TCOF1: variants seen among roughly 807,000 people sequenced by gnomAD.
The protein encoded by TCOF1 is treacle ribosome biogenesis factor 1, also known as treacle protein.
In TCOF1, 33 loss-of-function variants were observed where a neutral mutation model predicts 149.0. That is an observed-to-expected ratio of 0.22 (90% CI 0.17 to 0.30). TCOF1 has a LOEUF of 0.30. Ranked by LOEUF, TCOF1 falls within the 10% of genes least tolerant of loss-of-function variation. TCOF1 has a pLI of 1.00. For synonymous variants in TCOF1, 789 were observed against 738.8 expected, an observed-to-expected ratio of 1.07 and a Z score of -1.10; for missense variants, 1,728 against 1,840.7, an observed-to-expected ratio of 0.94 and a Z score of 1.12.
Position 150,369,510 on chromosome 5 carries a change from C to T in TCOF1, c.566-19C>T. ...GCTGGAAAGGGAGTCCCTCAGTCCCCTCCGTGTCCGATCCTCAGGGATGGT... is the reference window on the plus strand; with the variant it reads ...GCTGGAAAGGGAGTCCCTCAGTCCCTTCCGTGTCCGATCCTCAGGGATGGT... On this transcript the variant is annotated intron_variant, in intron 5 of 26. Transcript: ENST00000643257. The T allele has an allele frequency of 1.9e-6, 3 of 1,614,008 alleles. No individual in the cohort carries two copies. Among genetic ancestry groups the T allele is most frequent in the South Asian group, 1.1e-5 (1 of 91,080 alleles).
chr5:150,364,092 A>G, intron 2 of TCOF1, 21 bp from the exon 3 acceptor site: 3 of 1,613,994 alleles, frequency 1.9e-6, no homozygotes, highest in African/African-American at 1.3e-5. Context: ...GTTGGTATAG[A>G]CAGTCACCCT....
In TCOF1 at chr5:150,388,069, T is replaced by C. The variant is rs1267685129; in HGVS notation, c.3027T>C (p.Ala1009=). Residue 1009 remains alanine (A), a synonymous_variant, in exon 18 of 27, where the codon GCT becomes GCC. Transcript: ENST00000643257. ...GCGAGGATGAGGACGTGATCCCCGCTACACAGTGCTTGACTCCTGGTGAGC... is the reference window on the plus strand; with the variant it reads ...GCGAGGATGAGGACGTGATCCCCGCCACACAGTGCTTGACTCCTGGTGAGC... ...SESEDEDVIP[A]TQCLTPGIRT... The C allele has an allele frequency of 3.1e-6, 5 of 1,613,140 alleles. No individual in the cohort carries two copies. The highest frequency in any genetic ancestry group is 3.3e-5 in the Admixed American group (2 of 59,972).
intron 1 of TCOF1, among the ~76,000 whole-genome samples, chr5:150,359,034 TC>T (rs1759363439): frequency 6.6e-6 from 1 of 151,498 alleles, no homozygotes; most frequent in Non-Finnish European, 1.5e-5. Flanking sequence ...AGACACTGTC[TC>T]AAAAAAAAAT....
intron 1 of TCOF1, among the ~76,000 whole-genome samples, chr5:150,360,451 G>T (rs1759791428): frequency 1.3e-5 from 2 of 152,164 alleles, no homozygotes; most frequent in Admixed American, 1.3e-4. Context: ...CAGGTGTCTG[G>T]GCTGTGATTC....
chr5:150,391,978 C>T lies in TCOF1; in HGVS notation c.3319C>T (p.Leu1107Phe). The part of the protein sequence containing the change: ...SSGVDSAVGT[L>F]PATSPQSTSV... ...TTAGGTTGACAGTGCTGTGGGAACA[C>T]TCCCTGCAACAAGTCCCCAGAGCAC... is the stretch of plus-strand genomic sequence containing the variant. The change falls in exon 21 of 27, where the codon CTC becomes TTC. Residue 1107 changes from leucine to phenylalanine, a missense_variant. Leu to Phe is a conservative substitution (Grantham distance 22, BLOSUM62 0). Coordinates refer to ENST00000643257, the MANE Select transcript of TCOF1 (RefSeq NM_001371623.1). 6.2e-7 allele frequency: 1 copy of T among 1,614,218 alleles called. No individual in the cohort carries two copies. The highest frequency in any genetic ancestry group is 8.5e-7 in the Non-Finnish European group (1 of 1,180,030).
Position 150,374,831 on chromosome 5 carries a change from T to C in TCOF1, c.1278+20T>C. On this transcript the variant is annotated intron_variant, in intron 9 of 26. Transcript: ENST00000643257. ...GCTCAGGTGAGGCAGAGGGGAGGGGTGGAGAGTAGCCCCATGCCTAAACCC... is the reference window on the plus strand; with the variant it reads ...GCTCAGGTGAGGCAGAGGGGAGGGGCGGAGAGTAGCCCCATGCCTAAACCC... 1 of 1,596,668 alleles carries C rather than the reference T, an allele frequency of 6.3e-7. No individual in the cohort carries two copies. The highest frequency in any genetic ancestry group is 8.5e-7 in the Non-Finnish European group (1 of 1,173,724).
At chr5:150,371,968 AT>A (rs1247402813) in intron 6 of TCOF1, 37 bp from the exon 7 acceptor site, 1 of 1,570,926 alleles carries the variant, frequency 6.4e-7, no homozygotes, top group Non-Finnish European at 8.8e-7. Flanking sequence ...GGAAACAGTA[AT>A]TATTATTCAT....
intron 17 of TCOF1, among the ~76,000 whole-genome samples, chr5:150,382,328 G>A (rs1309949164): frequency 1.3e-5 from 2 of 152,066 alleles, no homozygotes; most frequent in East Asian, 1.9e-4. Context: ...CAGAGTGAGG[G>A]TTCTATTAGC....
chr5:150,365,594 C>T (rs1339438212), intron 3 of TCOF1, among the ~76,000 whole-genome samples: 1 of 152,084 alleles, frequency 6.6e-6, no homozygotes, highest in African/African-American at 2.4e-5. Flanking sequence ...TATATACAGA[C>T]CTGCATGCTA....
At chr5:150,396,928 C>T (rs908267653) in intron 24 of TCOF1, 86 bp downstream of exon 24, 10 of 1,452,154 alleles carry the variant, frequency 6.9e-6, no homozygotes, top group African/African-American at 1.4e-5. Flanking sequence ...CACCTGGTCT[C>T]ATTCCTCCCA....
At chr5:150,398,223 T>G in intron 24 of TCOF1, 131 bp from the exon 25 acceptor site, 1 of 1,565,900 alleles carries the variant, frequency 6.4e-7, no homozygotes. Flanking sequence ...CGCCCCGCCC[T>G]GCTGGCCTGT....
chr5:150,368,868 C>G lies in TCOF1; in HGVS notation c.531C>G (p.Gly177=). ...TTLVSETEEE[G]SVPAFGAAAK... ...TGGTCTCAGAAACTGAGGAGGAGGG[C>G]AGCGTCCCGGCCTTTGGAGCTGCTG... The change falls in exon 5 of 27, where the codon GGC becomes GGG. Residue 177 remains glycine, a synonymous_variant. Coordinates refer to ENST00000643257, the MANE Select transcript of TCOF1 (RefSeq NM_001371623.1). 6.2e-7 allele frequency: 1 copy of G among 1,613,856 alleles called. No individual in the cohort carries two copies. Among genetic ancestry groups the G allele is most frequent in the African/African-American group, 1.3e-5 (1 of 75,056 alleles).
rs571709304 is a variant in TCOF1 at position 150,386,675 on chromosome 5, C to T, written c.2860-1227C>T. Among the ~76,000 whole-genome samples, 7 of 152,316 alleles carry T rather than the reference C, an allele frequency of 4.6e-5. No individual in the cohort carries two copies. In the East Asian group the frequency reaches 1.2e-3, roughly 25 times the overall value. Reference sequence around the variant, plus strand: ...CCTCAGGCAGCTCCCTCTTCCTGCCCTCCAGCTCTTCACTGGCCAGAGAGG... The same window carrying T: ...CCTCAGGCAGCTCCCTCTTCCTGCCTTCCAGCTCTTCACTGGCCAGAGAGG... On this transcript the variant is annotated intron_variant, in intron 17 of 26. Transcript: ENST00000643257.
Position 150,390,039 on chromosome 5 carries a change from G to C in TCOF1, c.3183+16G>C. 2 of 1,598,586 alleles carry C rather than the reference G, an allele frequency of 1.3e-6. No homozygotes were observed. The highest frequency in any genetic ancestry group is 1.7e-6 in the Non-Finnish European group (2 of 1,172,492). ...AGCCACTCAGGTACCTGGTGGGCAA[G>C]GGAGGGTAATGCAGGCCAGTGGGGT... On this transcript the variant is annotated intron_variant, in intron 19 of 26. Coordinates refer to ENST00000643257, the MANE Select transcript of TCOF1 (RefSeq NM_001371623.1).
chr5:150,383,915 G>C, intron 17 of TCOF1: 1 of 1,513,862 alleles, frequency 6.6e-7, no homozygotes, highest in Non-Finnish European at 8.8e-7. Context: ...GCCCAAGTCA[G>C]CCATGCTGGT....
chr5:150,375,410 C>T lies in TCOF1; in HGVS notation c.1560C>T (p.Gly520=), dbSNP rs752081499. ...TGGGCATGGGGCCCTTGGGGAAAGG[C>T]GCCGGCCCAGTGCCACCCGGGAAGG... ...STMGMGPLGK[G]AGPVPPGKVG... is the part of the protein sequence containing the mutation. Residue 520 remains glycine, a synonymous_variant, in exon 11 of 27, where the codon GGC becomes GGT. Coordinates refer to ENST00000643257, the MANE Select transcript of TCOF1 (RefSeq NM_001371623.1). 8.1e-6 allele frequency: 13 copies of T among 1,612,658 alleles called. No homozygotes were observed. Among genetic ancestry groups the T allele is most frequent in the African/African-American group, 6.7e-5 (5 of 74,758 alleles).
intron 7 of TCOF1, among the ~76,000 whole-genome samples, chr5:150,372,905 A>G (rs1027449077): frequency 6.6e-6 from 1 of 152,202 alleles, no homozygotes; most frequent in Non-Finnish European, 1.5e-5. Flanking sequence ...TAGGAAGGTC[A>G]TTCCAGGCAG....
In TCOF1 at chr5:150,357,720, G is replaced by A. The variant is rs1203100733; in HGVS notation, c.-27G>A. The stretch of plus-strand genomic sequence containing the variant: ...GCGGGGACTAAGGCGGGGCGTGCAG[G>A]TAGCCGGCCGGCCGGGGGTCGCGGG... On this transcript the variant is annotated 5_prime_UTR_variant, in exon 1 of 27. Coordinates refer to ENST00000643257, the MANE Select transcript of TCOF1 (RefSeq NM_001371623.1). The A allele has an allele frequency of 1.9e-6, 3 of 1,541,026 alleles. No homozygotes were observed. The highest frequency in any genetic ancestry group is 1.2e-5 in the South Asian group (1 of 83,792).
At chr5:150,398,963 C>T in intron 25 of TCOF1, 59 bp from the exon 26 acceptor site, 1 of 1,613,236 alleles carries the variant, frequency 6.2e-7, no homozygotes, top group Non-Finnish European at 8.5e-7. Context: ...GAGGTGGGGG[C>T]AGCAGTGGGT....
Sources: allele counts gnomAD v4.1 joint callset (sites outside exome capture counted in the v4.1 genomes callset), GRCh38; gene constraint gnomAD v4.1.1; transcripts MANE v1.5; gene names NCBI Gene and HGNC (gene_info 2026-07-23, HGNC 2026-07-21).